ZNF267: variants seen among roughly 807,000 people sequenced by gnomAD.
ZNF267 encodes the protein zinc finger (C2H2).
ZNF267 carries 61 observed loss-of-function variants against 71.6 expected under a neutral mutation model. The observed-to-expected ratio is 0.85, with a 90% CI of 0.69 to 1.05. The LOEUF is 1.05. Ranked by LOEUF, ZNF267 falls within the 50% of genes least tolerant of loss-of-function variation. ZNF267 has a pLI of 0.00. For missense variants in ZNF267, 852 were observed against 870.0 expected (o/e 0.98, Z 0.26); for synonymous variants, 288 against 293.2 (o/e 0.98, Z 0.18).
chr16:31,912,879 T>C (rs1244382880), intron 3 of ZNF267: 1 of 148,258 alleles, frequency 6.7e-6, no homozygotes, highest in East Asian at 1.9e-4. Context: ...AACCTCTTTG[T>C]TTGATTTATC....
Position 31,915,951 on chromosome 16 carries a change from C to T in ZNF267, c.1702C>T (p.Arg568Ter), listed in dbSNP as rs745519301. The T allele has an allele frequency of 3.8e-5, 61 of 1,609,882 alleles. No individual in the cohort carries two copies. The highest frequency in any genetic ancestry group is 4.7e-5 in the Non-Finnish European group (55 of 1,178,282). ...PYSSHLIRHH[R>*]IHTGEKPYKC... ...TAGTTCACACCTTATTCGACATCAT[C>T]GAATTCATACTGGAGAAAAACCATA... The change falls in exon 4 of 4, where the codon CGA becomes TGA. Residue 568 changes from arginine (R) to a stop codon, truncating the protein, a stop_gained. Transcript: ENST00000300870. LOFTEE classifies it high-confidence loss of function.
chr16:31,902,447 G>C (rs554764299), intron 3 of ZNF267, among the ~76,000 whole-genome samples: 14 of 152,268 alleles, frequency 9.2e-5, no homozygotes, highest in South Asian at 8.3e-4. Flanking sequence ...TCTTCCATTT[G>C]TTTGTATACT....
chr16:31,888,146 T>C (rs950907605), intron 3 of ZNF267, among the ~76,000 whole-genome samples: 94 of 152,158 alleles, frequency 6.2e-4, no homozygotes, highest in African/African-American at 2.1e-3. Context: ...AAATCAGATT[T>C]TTTTGTAACT....
At chr16:31,891,075 T>G (rs2142340317) in intron 3 of ZNF267, among the ~76,000 whole-genome samples, 1 of 152,280 alleles carries the variant, frequency 6.6e-6, no homozygotes, top group East Asian at 1.9e-4. Flanking sequence ...GTTTTTATGT[T>G]TTGATGGCTT....
intron 3 of ZNF267, among the ~76,000 whole-genome samples, chr16:31,897,761 C>T (rs1424241781): frequency 6.6e-6 from 1 of 152,100 alleles, no homozygotes; most frequent in African/African-American, 2.4e-5. Flanking sequence ...TTAATTTCTA[C>T]ATATTTGTAG....
chr16:31,916,468 G>C lies in ZNF267; in HGVS notation c.2219G>C (p.Arg740Thr), dbSNP rs770081193. 1.3e-5 allele frequency: 21 copies of C among 1,605,782 alleles called. No homozygotes were observed. The highest frequency in any genetic ancestry group is 1.8e-5 in the Non-Finnish European group (21 of 1,176,672). Residue 740 changes from arginine to threonine, a missense_variant, in exon 4 of 4, where the codon AGA becomes ACA. Transcript: ENST00000300870. Reference sequence around the variant, plus strand: ...ATTGCACATCAGAGAAGTCATACTAGAGAAAAACTTTAAAAATGTAAAACA... The same window carrying C: ...ATTGCACATCAGAGAAGTCATACTACAGAAAAACTTTAAAAATGTAAAACA... ...YLIAHQRSHT[R>T]EKL
chr16:31,911,243 A>G lies in ZNF267; in HGVS notation c.227-3233A>G, dbSNP rs996380241. Among the ~76,000 whole-genome samples, 6 of 151,668 alleles carry G rather than the reference A, an allele frequency of 4.0e-5. 1 individual carries two copies. Among genetic ancestry groups the G allele is most frequent in the Admixed American group, 3.3e-4 (5 of 15,264 alleles). On this transcript the variant is annotated intron_variant, in intron 3 of 3. Coordinates refer to ENST00000300870, the MANE Select transcript of ZNF267 (RefSeq NM_003414.6). ...TCTGATGTTTCTTTCATGATTTTCT[A>G]TCTGTAAGATCTGTACAATGCTGAA...
intron 3 of ZNF267, chr16:31,913,595 G>A (rs1231850675): frequency 6.6e-6 from 1 of 152,230 alleles, no homozygotes; most frequent in Non-Finnish European, 1.5e-5. Context: ...GCCAGGTATT[G>A]AAGTCAGAAG....
chr16:31,906,444 C>T (rs1335743371), intron 3 of ZNF267, among the ~76,000 whole-genome samples: 2 of 152,186 alleles, frequency 1.3e-5, no homozygotes, highest in African/African-American at 2.4e-5. Flanking sequence ...GCTTCCGGAC[C>T]GCTTTGTTTA....
intron 3 of ZNF267, among the ~76,000 whole-genome samples, chr16:31,902,110 G>A (rs1226012746): frequency 6.6e-6 from 1 of 152,202 alleles, no homozygotes; most frequent in Admixed American, 6.5e-5. Context: ...TTGTAGATAT[G>A]CGGCATTATT....
chr16:31,896,475 C>T (rs908134697), intron 3 of ZNF267, among the ~76,000 whole-genome samples: 7 of 152,116 alleles, frequency 4.6e-5, no homozygotes, highest in Admixed American at 6.5e-5. Flanking sequence ...TGAGTGGTAG[C>T]AGTGTAGTCT....
intron 3 of ZNF267, among the ~76,000 whole-genome samples, chr16:31,900,531 G>A (rs573684789): frequency 2.2e-4 from 34 of 152,112 alleles, no homozygotes; most frequent in Admixed American, 1.4e-3. Flanking sequence ...TGCAGGCTCC[G>A]CCTCCTGGGT....
chr16:31,886,638 T>C (rs2083926423), intron 3 of ZNF267, among the ~76,000 whole-genome samples: 1 of 152,230 alleles, frequency 6.6e-6, no homozygotes, highest in Admixed American at 6.5e-5. Flanking sequence ...ACTGCTACTG[T>C]AGAGTATCAT....
chr16:31,914,741 A>G lies in ZNF267; in HGVS notation c.492A>G (p.Gln164=), dbSNP rs746687538. Residue 164 remains glutamine (Q), a synonymous_variant, in exon 4 of 4, where the codon CAA becomes CAG. Transcript: ENST00000300870. Reference sequence around the variant, plus strand: ...GTGCCAAAAGCTATAACTTTGATCAATATAGGAAGGTCTTTACTCATTCAT... The same window carrying G: ...GTGCCAAAAGCTATAACTTTGATCAGTATAGGAAGGTCTTTACTCATTCAT... ...SSCAKSYNFD[Q]YRKVFTHSSL... The G allele has an allele frequency of 1.5e-5, 25 of 1,614,144 alleles. No homozygotes were observed. Among genetic ancestry groups the G allele is most frequent in the South Asian group, 1.1e-4 (10 of 91,074 alleles).
In ZNF267 at chr16:31,893,547, C is replaced by T. The variant is rs901347575; in HGVS notation, c.226+8291C>T. Among the ~76,000 whole-genome samples, 3 of 152,170 alleles carry T rather than the reference C, an allele frequency of 2.0e-5. No individual in the cohort carries two copies. The East Asian group carries it at 5.8e-4, about 29-fold the overall frequency. On this transcript the variant is annotated intron_variant, in intron 3 of 3. Transcript: ENST00000300870. ...TTCTGAACTTTTATGGTTTGCTTCC[C>T]TTATAAAACTGAATACCTTTAGCAG...
At chr16:31,904,451 T>A (rs1381484326) in intron 3 of ZNF267, among the ~76,000 whole-genome samples, 1 of 152,252 alleles carries the variant, frequency 6.6e-6, no homozygotes, top group Non-Finnish European at 1.5e-5. Flanking sequence ...ACGGACTTGC[T>A]TTATGAATCT....
rs755493961 is a variant in ZNF267 at position 31,915,282 on chromosome 16, A to G, written c.1033A>G (p.Thr345Ala). Residue 345 changes from threonine (T) to alanine (A), a missense_variant, in exon 4 of 4, where the codon ACC (threonine) becomes GCC (alanine). Transcript: ENST00000300870. ...CCTTACTCAACATCAGATCATTCCT[A>G]CCGAAGAGAAACCCTGTAAATGGAA... ...LHLTQHQIIP[T>A]EEKPCKWKEC... is the part of the protein sequence containing the mutation. 8 of 1,614,020 alleles carry G rather than the reference A, an allele frequency of 5.0e-6. No individual in the cohort carries two copies. Among genetic ancestry groups the G allele is most frequent in the Non-Finnish European group, 5.9e-6 (7 of 1,179,952 alleles).
At chr16:31,878,554 C>T (rs1431065860) in intron 1 of ZNF267, among the ~76,000 whole-genome samples, 1 of 152,206 alleles carries the variant, frequency 6.6e-6, no homozygotes, top group Non-Finnish European at 1.5e-5. Context: ...GAATCCGTAG[C>T]AGCAGCCTAG....
chr16:31,876,196 CTT>C (rs1431784413), intron 1 of ZNF267, among the ~76,000 whole-genome samples: 1 of 152,102 alleles, frequency 6.6e-6, no homozygotes, highest in Non-Finnish European at 1.5e-5. Flanking sequence ...TCTTTATCCT[CTT>C]GTCTGGATGT....
Sources: allele counts gnomAD v4.1 joint callset (sites outside exome capture counted in the v4.1 genomes callset), GRCh38; gene constraint gnomAD v4.1.1; transcripts MANE v1.5; gene names NCBI Gene and HGNC (gene_info 2026-07-23, HGNC 2026-07-21).